The following LSAMP variants were observed in gnomAD, a reference collection of about 807,000 sequenced individuals.
LSAMP encodes limbic system-associated membrane protein.
Under a neutral mutation model 38.6 loss-of-function variants are expected in LSAMP, and 7 were observed. The ratio of observed to expected loss-of-function variants is 0.18; its 90% CI spans 0.10 to 0.34. The LOEUF is 0.34. Among genes scored for constraint, LSAMP ranks in the 10% least tolerant of loss-of-function variants. LSAMP has a pLI of 1.00. For synonymous variants in LSAMP, 154 were observed against 166.8 expected (o/e 0.92, Z 0.59); for missense variants, 313 against 420.0 (o/e 0.75, Z 2.23).
At chr3:116,420,342 C>A (rs1234200883) in intron 1 of LSAMP, among the ~76,000 whole-genome samples, 2 of 151,960 alleles carry the variant, frequency 1.3e-5, no homozygotes, top group Non-Finnish European at 2.9e-5. Context: ...AGGCAATCTG[C>A]CTGCCTTTGC....
chr3:116,284,799 C>T (rs900910599), intron 1 of LSAMP, among the ~76,000 whole-genome samples: 4 of 152,132 alleles, frequency 2.6e-5, no homozygotes, highest in African/African-American at 9.7e-5. Context: ...ATGACCAATT[C>T]CATCTGAAAT....
intron 6 of LSAMP, among the ~76,000 whole-genome samples, chr3:115,837,083 G>GT (rs1223629279): frequency 5.3e-5 from 8 of 152,186 alleles, no homozygotes; most frequent in Non-Finnish European, 1.0e-4. Context: ...ATCAAGTGCT[G>GT]TATGTTTAAA....
At chr3:116,443,289 C>T (rs2049461647) in intron 1 of LSAMP, among the ~76,000 whole-genome samples, 1 of 152,152 alleles carries the variant, frequency 6.6e-6, no homozygotes, top group Admixed American at 6.5e-5. Flanking sequence ...TCTGATTACT[C>T]CATGTGGATA....
At chr3:116,027,727 C>A (rs1416368910) in intron 2 of LSAMP, among the ~76,000 whole-genome samples, 1 of 152,054 alleles carries the variant, frequency 6.6e-6, no homozygotes, top group East Asian at 1.9e-4. Context: ...CATTTAATTC[C>A]AGCTGTGAAT....
Position 116,250,636 on chromosome 3 carries a change from TG to T in LSAMP, c.156-164081del, listed in dbSNP as rs2046668327. Among the ~76,000 whole-genome samples, 10 of 150,186 alleles carry T rather than the reference TG, an allele frequency of 6.7e-5. No homozygotes were observed. The South Asian group carries it at 1.9e-3, about 28-fold the overall frequency. On this transcript the variant is annotated intron_variant, in intron 1 of 6. Transcript: ENST00000490035. ...CAGCACTTAGGGAGGCTGACATGGG[TG>T]GATCACTTGAGCTCGAGAGTTTGAG... is the stretch of plus-strand genomic sequence containing the variant.
At chr3:116,163,589 C>T (rs1272590641) in intron 1 of LSAMP, among the ~76,000 whole-genome samples, 1 of 151,880 alleles carries the variant, frequency 6.6e-6, no homozygotes, top group Non-Finnish European at 1.5e-5. Flanking sequence ...GGGGTATATA[C>T]CCAGTAATGG....
At chr3:116,332,053 C>T (rs2047860081) in intron 1 of LSAMP, among the ~76,000 whole-genome samples, 1 of 152,114 alleles carries the variant, frequency 6.6e-6, no homozygotes, top group Admixed American at 6.6e-5. Flanking sequence ...GTTGTCCAGG[C>T]TGGCTGGAAC....
chr3:115,972,432 T>C (rs1237139990), intron 3 of LSAMP, among the ~76,000 whole-genome samples: 1 of 152,006 alleles, frequency 6.6e-6, no homozygotes, highest in Admixed American at 6.5e-5. Flanking sequence ...TATTAGTGTC[T>C]AATGTCATTA....
intron 1 of LSAMP, among the ~76,000 whole-genome samples, chr3:116,166,283 C>T (rs1410924029): frequency 6.6e-6 from 1 of 152,216 alleles, no homozygotes; most frequent in African/African-American, 2.4e-5. Context: ...AAGTGCTTTG[C>T]ATACTAAGAT....
intron 1 of LSAMP, among the ~76,000 whole-genome samples, chr3:116,159,049 A>C (rs1175424074): frequency 1.3e-5 from 2 of 152,052 alleles, no homozygotes; most frequent in Non-Finnish European, 2.9e-5. Flanking sequence ...GTATGCAATA[A>C]ATGGGGCAGA....
chr3:115,938,752 A>G (rs1937796334), intron 3 of LSAMP, among the ~76,000 whole-genome samples: 1 of 152,212 alleles, frequency 6.6e-6, no homozygotes, highest in African/African-American at 2.4e-5. Context: ...GAATTTCAGT[A>G]TGTCAACAGT....
intron 1 of LSAMP, among the ~76,000 whole-genome samples, chr3:116,375,674 T>C (rs1042487918): frequency 2.6e-5 from 4 of 152,074 alleles, no homozygotes; most frequent in Admixed American, 1.3e-4. Context: ...ATTTGTAATA[T>C]CTATAAGATA....
intron 3 of LSAMP, among the ~76,000 whole-genome samples, chr3:115,887,983 T>C (rs913687426): frequency 2.6e-5 from 4 of 151,952 alleles, no homozygotes; most frequent in African/African-American, 9.7e-5. Flanking sequence ...GATCCCCATG[T>C]CTCAATGGCT....
chr3:116,406,479 T>G (rs992225997), intron 1 of LSAMP, among the ~76,000 whole-genome samples: 20 of 152,076 alleles, frequency 1.3e-4, no homozygotes, highest in African/African-American at 4.8e-4. Context: ...TTGGTTATCC[T>G]CTCTGAGCCT....
At chr3:116,173,583 G>A (rs968927081) in intron 1 of LSAMP, among the ~76,000 whole-genome samples, 1 of 151,942 alleles carries the variant, frequency 6.6e-6, no homozygotes, top group Non-Finnish European at 1.5e-5. Context: ...ATATATGTGT[G>A]CAAACCTATA....
chr3:116,122,108 A>G (rs1441543572), intron 1 of LSAMP, among the ~76,000 whole-genome samples: 1 of 152,192 alleles, frequency 6.6e-6, no homozygotes, highest in Non-Finnish European at 1.5e-5. Context: ...GAGATAAGGT[A>G]AATGTGAGAA....
intron 1 of LSAMP, among the ~76,000 whole-genome samples, chr3:116,227,434 C>G (rs2046354114): frequency 6.6e-6 from 1 of 152,182 alleles, no homozygotes; most frequent in Non-Finnish European, 1.5e-5. Context: ...TTCTTCATTA[C>G]TATAAACTTA....
At chr3:116,258,684 AATT>A (rs2046787630) in intron 1 of LSAMP, among the ~76,000 whole-genome samples, 1 of 152,070 alleles carries the variant, frequency 6.6e-6, no homozygotes, top group Non-Finnish European at 1.5e-5. Flanking sequence ...CCAATAGGAA[AATT>A]ATTTTTAAAA....
At chr3:116,378,163 A>C (rs1378725959) in intron 1 of LSAMP, among the ~76,000 whole-genome samples, 1 of 152,188 alleles carries the variant, frequency 6.6e-6, no homozygotes, top group East Asian at 1.9e-4. Context: ...ACATGTTCAC[A>C]AGAGCACCAA....
Sources: allele counts gnomAD v4.1 joint callset (sites outside exome capture counted in the v4.1 genomes callset), GRCh38; gene constraint gnomAD v4.1.1; transcripts MANE v1.5; gene names NCBI Gene and HGNC (gene_info 2026-07-23, HGNC 2026-07-21).